Variants in TDRP observed in about 807,000 individuals in gnomAD.
TDRP encodes testis development-related protein.
Under a neutral mutation model 10.5 loss-of-function variants are expected in TDRP, and 12 were observed. The observed-to-expected ratio is 1.15, with a 90% CI of 0.73 to 1.86. The LOEUF is 1.86. Among genes scored for constraint, TDRP ranks in the 40% most tolerant of loss-of-function variants. The probability of loss-of-function intolerance (pLI) is 0.00; values close to 1 mark genes in which losing one functional copy is unlikely to be tolerated. For synonymous variants in TDRP, 139 were observed against 95.4 expected (o/e 1.46, Z -2.67); for missense variants, 353 against 229.2 (o/e 1.54, Z -3.49).
intron 1 of TDRP, among the ~76,000 whole-genome samples, chr8:529,696 C>A (rs900811380): frequency 2.5e-4 from 38 of 152,298 alleles, no homozygotes; most frequent in Admixed American, 1.0e-3. Context: ...TATCACCCCA[C>A]TCCCTTTTGT....
intron 1 of TDRP, among the ~76,000 whole-genome samples, chr8:509,557 G>A (rs1377881720): frequency 2.0e-5 from 3 of 152,156 alleles, no homozygotes; most frequent in African/African-American, 7.2e-5. Context: ...GGAGCGGCTG[G>A]GAGACAGGGC....
rs147127841 is a variant in TDRP, at chr8:523,644, C to T, written c.108+21006G>A. Among the ~76,000 whole-genome samples, 424 of 152,250 alleles carry T rather than the reference C, an allele frequency of 2.8e-3. 3 individuals carry two copies. The highest frequency in any genetic ancestry group is 6.8e-3 in the Middle Eastern group (2 of 294). ...GAGCCCTTGGGCCTTGAGTTAACAT[C>T]GGCAATAGCCTGGCAATACTCTCCG... On this transcript the variant is annotated intron_variant, in intron 1 of 2. Coordinates refer to ENST00000324079, the MANE Select transcript of TDRP (RefSeq NM_001384899.1).
intron 1 of TDRP, among the ~76,000 whole-genome samples, chr8:515,594 A>C (rs1801737865): frequency 6.6e-6 from 1 of 152,020 alleles, no homozygotes; most frequent in Non-Finnish European, 1.5e-5. Flanking sequence ...GAGATGCTCA[A>C]CCTGTACTAT....
intron 1 of TDRP, among the ~76,000 whole-genome samples, chr8:507,132 G>A (rs10086442): frequency 0.11 from 16,964 of 152,116 alleles, 1,142 homozygotes; most frequent in East Asian, 0.24. Flanking sequence ...AGGAAGAACT[G>A]CCACTTTAAA....
intron 1 of TDRP, among the ~76,000 whole-genome samples, chr8:499,734 T>A (rs535087085): frequency 6.6e-6 from 1 of 152,360 alleles, no homozygotes; most frequent in African/African-American, 2.4e-5. Context: ...GTCTCCCACA[T>A]TTCCCTCTGA....
intron 1 of TDRP, chr8:495,078 A>C (rs1200158832): frequency 6.4e-6 from 1 of 156,598 alleles, no homozygotes; most frequent in African/African-American, 2.4e-5. Context: ...CAAAAAATAC[A>C]AAAACTTAGC....
chr8:494,350 G>T, intron 2 of TDRP, 144 bp downstream of exon 2: 1 of 670,276 alleles, frequency 1.5e-6, no homozygotes, highest in South Asian at 1.9e-5. Context: ...GGGACAGACG[G>T]AGTGGGGAGG....
intron 1 of TDRP, among the ~76,000 whole-genome samples, chr8:498,903 C>G (rs770297735): frequency 6.6e-5 from 10 of 152,128 alleles, no homozygotes; most frequent in Non-Finnish European, 1.5e-4. Flanking sequence ...CTCTCTCTCT[C>G]TCCTGCCACC....
At chr8:542,484 C>T (rs1584888196) in intron 1 of TDRP, among the ~76,000 whole-genome samples, 1 of 152,228 alleles carries the variant, frequency 6.6e-6, no homozygotes, top group South Asian at 2.1e-4. Context: ...ACTTTCTCCT[C>T]AAATTTGCTG....
At position 492,246 on chromosome 8, in the gene TDRP, G is replaced by C. The variant is rs906359118; in HGVS notation, c.*153C>G. The C allele has an allele frequency of 1.5e-6, 2 of 1,338,844 alleles. No individual in the cohort carries two copies. Among genetic ancestry groups the C allele is most frequent in the Admixed American group, 3.5e-5 (1 of 28,922 alleles). 82.9% of individuals were successfully genotyped at this position (1,338,844 alleles called of 1,614,324 possible). A position where few individuals can be genotyped will look rare whatever the true frequency, so the allele number is the denominator to read the frequency against. Reference sequence around the variant, plus strand: ...TTCACCAAGGAGTCACAGTGTGTGTGAGAGTTCATTAAATAAAGAAACAGA... The same window carrying C: ...TTCACCAAGGAGTCACAGTGTGTGTCAGAGTTCATTAAATAAAGAAACAGA... On this transcript the variant is annotated 3_prime_UTR_variant, in exon 3 of 3. Coordinates refer to ENST00000324079, the MANE Select transcript of TDRP (RefSeq NM_001384899.1).
intron 1 of TDRP, among the ~76,000 whole-genome samples, chr8:539,136 G>A (rs1263663973): frequency 3.3e-5 from 5 of 152,212 alleles, no homozygotes. Flanking sequence ...GCTGTGGACT[G>A]AATGTTTGTG....
chr8:539,967 G>C (rs930683276), intron 1 of TDRP, among the ~76,000 whole-genome samples: 8 of 152,236 alleles, frequency 5.3e-5, no homozygotes, highest in African/African-American at 1.7e-4. Flanking sequence ...TTTTAAATTT[G>C]TAAGTGAAAA....
At chr8:536,831 A>G (rs548948121) in intron 1 of TDRP, among the ~76,000 whole-genome samples, 3 of 151,582 alleles carry the variant, frequency 2.0e-5, no homozygotes, top group African/African-American at 7.2e-5. Flanking sequence ...CGGAGCGAAT[A>G]AGCAGCGCCC....
At chr8:515,264 T>C (rs1171577896) in intron 1 of TDRP, among the ~76,000 whole-genome samples, 1 of 152,188 alleles carries the variant, frequency 6.6e-6, no homozygotes, top group Non-Finnish European at 1.5e-5. Flanking sequence ...ACTGCTCACT[T>C]AGCAATCATT....
At chr8:492,861 CAA>C in intron 2 of TDRP, 117 bp from the exon 3 acceptor site, 1 of 786,208 alleles carries the variant, frequency 1.3e-6, no homozygotes, top group Non-Finnish European at 1.9e-6. Flanking sequence ...AAAACTAACA[CAA>C]GTCTATATGA....
At chr8:520,177 A>G (rs1438572878) in intron 1 of TDRP, among the ~76,000 whole-genome samples, 3 of 152,252 alleles carry the variant, frequency 2.0e-5, no homozygotes, top group Non-Finnish European at 4.4e-5. Context: ...ACTACTTTCA[A>G]TACCTCATGT....
chr8:519,177 C>T (rs558357834), intron 1 of TDRP, among the ~76,000 whole-genome samples: 4 of 152,236 alleles, frequency 2.6e-5, no homozygotes, highest in South Asian at 2.1e-4. Flanking sequence ...TGACAGAGTT[C>T]TGGAGCTTCC....
rs1801017293 is a variant in TDRP at position 492,732 on chromosome 8, T to C, written c.225A>G (p.Arg75=). 2 of 1,611,326 alleles carry C rather than the reference T, an allele frequency of 1.2e-6. No individual in the cohort carries two copies. The highest frequency in any genetic ancestry group is 8.5e-7 in the Non-Finnish European group (1 of 1,178,474). ...KSPKSKGTNL[R]LKEELKAEKK... is the part of the protein sequence containing the mutation. ...TCTCTGCCTTCAACTCTTCTTTTAA[T>C]CGTAAGTTAGTTCTATAGGAGATGA... The change falls in exon 3 of 3, where the codon CGA becomes CGG. Residue 75 remains arginine, a synonymous_variant. Transcript: ENST00000324079.
At chr8:512,279 A>AC (rs1801640558) in intron 1 of TDRP, among the ~76,000 whole-genome samples, 4 of 151,636 alleles carry the variant, frequency 2.6e-5, no homozygotes, top group African/African-American at 7.3e-5. Context: ...ACAACAAAAA[A>AC]AAAAATGACT....
Sources: allele counts gnomAD v4.1 joint callset (sites outside exome capture counted in the v4.1 genomes callset), GRCh38; gene constraint gnomAD v4.1.1; transcripts MANE v1.5; gene names NCBI Gene and HGNC (gene_info 2026-07-23, HGNC 2026-07-21).